Variants in FAM135B observed in about 807,000 individuals in gnomAD.
FAM135B encodes the protein protein FAM135B.
A neutral mutation model predicts 127.7 loss-of-function variants in FAM135B; 43 were observed. The observed-to-expected ratio is 0.34, with a 90% CI of 0.26 to 0.43. FAM135B has a LOEUF of 0.43. Among genes scored for constraint, FAM135B ranks in the 20% least tolerant of loss-of-function variants. The probability of loss-of-function intolerance (pLI) is 1.00; values close to 1 mark genes in which losing one functional copy is unlikely to be tolerated. For missense variants in FAM135B, 1,558 were observed against 1,725.6 expected (o/e 0.90, Z 1.72); for synonymous variants, 670 against 665.1 (o/e 1.01, Z -0.11).
At chr8:138,265,947 G>T in intron 3 of FAM135B, 105 bp from the exon 4 acceptor site, 2 of 1,216,282 alleles carry the variant, frequency 1.6e-6, no homozygotes, top group Non-Finnish European at 2.3e-6. Context: ...GCCCCAAGCT[G>T]CCTTCCAATT....
At chr8:138,379,776 G>A (rs1831725956) in intron 1 of FAM135B, among the ~76,000 whole-genome samples, 1 of 152,178 alleles carries the variant, frequency 6.6e-6, no homozygotes, top group Non-Finnish European at 1.5e-5. Context: ...ATTCATTGAG[G>A]TTGGGGGAGG....
chr8:138,391,653 C>G (rs1341853162), intron 1 of FAM135B, among the ~76,000 whole-genome samples: 1 of 152,186 alleles, frequency 6.6e-6, no homozygotes, highest in African/African-American at 2.4e-5. Context: ...CTAACCTTCC[C>G]TTAGTCATTC....
chr8:138,141,758 A>G lies in FAM135B; in HGVS notation c.3639-409T>C, dbSNP rs941124499. Among the ~76,000 whole-genome samples, 12 of 152,308 alleles carry G rather than the reference A, an allele frequency of 7.9e-5. No homozygotes were observed. The highest frequency in any genetic ancestry group is 2.9e-4 in the African/African-American group (12 of 41,572). ...AGGCCATTCATATACGGATGGCCTC[A>G]CAATGCCATTCATCCTCTCCTTCAC... On this transcript the variant is annotated intron_variant, in intron 16 of 19. Transcript: ENST00000395297. The surrounding 1 kb of genome is among the most constrained non-coding windows in gnomAD (Gnocchi z 4.7).
At chr8:138,423,332 A>T (rs555881293) in intron 1 of FAM135B, among the ~76,000 whole-genome samples, 1 of 152,184 alleles carries the variant, frequency 6.6e-6, no homozygotes, top group Non-Finnish European at 1.5e-5. Flanking sequence ...AAATTCAGCC[A>T]GATATCGGGC....
intron 1 of FAM135B, among the ~76,000 whole-genome samples, chr8:138,373,125 A>T (rs974679395): frequency 3.3e-5 from 5 of 152,146 alleles, no homozygotes; most frequent in Non-Finnish European, 5.9e-5. Flanking sequence ...CTCAGTTCAG[A>T]TTTGATTTCT....
At chr8:138,268,619 T>G (rs1216420575) in intron 3 of FAM135B, among the ~76,000 whole-genome samples, 2 of 152,144 alleles carry the variant, frequency 1.3e-5, no homozygotes, top group Non-Finnish European at 2.9e-5. Flanking sequence ...TTTTCCCTTC[T>G]TCAACAACAA....
At chr8:138,139,315 G>A (rs1293769474) in intron 17 of FAM135B, among the ~76,000 whole-genome samples, 1 of 152,080 alleles carries the variant, frequency 6.6e-6, no homozygotes, top group Non-Finnish European at 1.5e-5. Context: ...ATGATGACAG[G>A]ACAACAGCCT....
intron 7 of FAM135B, among the ~76,000 whole-genome samples, chr8:138,198,285 C>A (rs1468312464): frequency 2.0e-5 from 3 of 152,218 alleles, no homozygotes; most frequent in Non-Finnish European, 2.9e-5. Flanking sequence ...ATTGTGAAGG[C>A]TCCCTAGCCA....
At chr8:138,252,826 C>A (rs1051940629) in intron 5 of FAM135B, among the ~76,000 whole-genome samples, 2 of 152,192 alleles carry the variant, frequency 1.3e-5, no homozygotes, top group Non-Finnish European at 2.9e-5. Context: ...GAGTCTCACT[C>A]TGTCACCCAG....
intron 1 of FAM135B, among the ~76,000 whole-genome samples, chr8:138,413,234 C>T (rs759709056): frequency 6.6e-6 from 1 of 152,050 alleles, no homozygotes; most frequent in African/African-American, 2.4e-5. Flanking sequence ...TAACTCCTTC[C>T]ACCCATTCCC....
rs185441529 is a variant in FAM135B at position 138,192,196 on chromosome 8, C to T, written c.873+3062G>A. Among the ~76,000 whole-genome samples the T allele has an allele frequency of 1.7e-3, 264 of 152,358 alleles. 1 individual carries two copies. The highest frequency in any genetic ancestry group is 5.9e-3 in the African/African-American group (246 of 41,588). On this transcript the variant is annotated intron_variant, in intron 9 of 19. Coordinates refer to ENST00000395297, the MANE Select transcript of FAM135B (RefSeq NM_015912.4). ...CTAAGAGAAAAAGGCATCAATGAAA[C>T]CACCATTGCAAAATTATAACTGAGA...
rs1816919280 is a variant in FAM135B at position 138,139,235 on chromosome 8, T to C, written c.3791-139A>G. ...AGAGAGAAGTAGGCATACTAGCAAA[T>C]AGTTGGGAAGTTAGAGGTAAATTTG... On this transcript the variant is annotated intron_variant, in intron 17 of 19. Coordinates refer to ENST00000395297, the MANE Select transcript of FAM135B (RefSeq NM_015912.4). 5.2e-6 allele frequency: 3 copies of C among 578,612 alleles called. No individual in the cohort carries two copies. The Admixed American group carries it at 8.8e-5, about 17-fold the overall frequency. The allele number at this position is 578,612 out of a possible 1,614,324, so 35.8% of individuals were successfully genotyped here.
At position 138,367,987 on chromosome 8, in the gene FAM135B, C is replaced by T. The variant is rs780935146; in HGVS notation, c.-4G>A. ...CCGTTCCTTGTATTTCAGACATGAT[C>T]TTTTTGGCTCATTACCTGAAAAACA... On this transcript the variant is annotated 5_prime_UTR_variant, in exon 2 of 20. Transcript: ENST00000395297. 1.9e-6 allele frequency: 3 copies of T among 1,613,130 alleles called. No individual in the cohort carries two copies. In the African/African-American group the frequency reaches 4.0e-5, roughly 22 times the overall value.
In FAM135B at chr8:138,178,477, T is replaced by C. The variant is rs1422509789; in HGVS notation, c.1029+58A>G. On this transcript the variant is annotated intron_variant, in intron 10 of 19. Coordinates refer to ENST00000395297, the MANE Select transcript of FAM135B (RefSeq NM_015912.4). The stretch of plus-strand genomic sequence containing the variant: ...ATGCTTGATCTAATTCTCATAAAGG[T>C]TCCTCCAAAGAAATCAAATGCATGT... 8 of 1,590,712 alleles carry C rather than the reference T, an allele frequency of 5.0e-6. No homozygotes were observed. The East Asian group carries it at 1.8e-4, about 36-fold the overall frequency.
At chr8:138,332,484 G>C (rs1226891789) in intron 2 of FAM135B, among the ~76,000 whole-genome samples, 1 of 152,054 alleles carries the variant, frequency 6.6e-6, no homozygotes, top group African/African-American at 2.4e-5. Context: ...TGAAATTCAA[G>C]GTAAAACAAA....
intron 1 of FAM135B, among the ~76,000 whole-genome samples, chr8:138,469,240 G>C (rs1837549889): frequency 6.6e-6 from 1 of 151,948 alleles, no homozygotes; most frequent in Admixed American, 6.6e-5. Context: ...GAGAAAGAAA[G>C]TTACTGGAAA....
In FAM135B at chr8:138,243,041, C is replaced by A. The variant is rs2130386273; in HGVS notation, c.570G>T (p.Trp190Cys). 6.2e-7 allele frequency: 1 copy of A among 1,611,802 alleles called. No homozygotes were observed. Among genetic ancestry groups the A allele is most frequent in the Non-Finnish European group, 8.5e-7 (1 of 1,179,332 alleles). The change falls in exon 7 of 20, where the codon TGG (tryptophan) becomes TGT (cysteine). Residue 190 changes from tryptophan to cysteine, a missense_variant. Trp to Cys is a radical substitution (Grantham distance 215). Transcript: ENST00000395297. The surrounding 1 kb of genome is among the most constrained non-coding windows in gnomAD (Gnocchi z 7.5). ...ISFTRPGRGS[W>C]LGKGGPDTGQ... Reference sequence around the variant, plus strand: ...CGGTGTCTGGGCCACCTTTACCAAGCCAGGAGCCTCTTCCTGGACGAGTAA... The same window carrying A: ...CGGTGTCTGGGCCACCTTTACCAAGACAGGAGCCTCTTCCTGGACGAGTAA...
At chr8:138,326,062 A>G (rs1022535951) in intron 2 of FAM135B, among the ~76,000 whole-genome samples, 1 of 151,752 alleles carries the variant, frequency 6.6e-6, no homozygotes, top group African/African-American at 2.4e-5. Context: ...GACTGTATAT[A>G]AAAAAAATAT....
chr8:138,200,041 C>A (rs1294516489), intron 7 of FAM135B, among the ~76,000 whole-genome samples: 1 of 152,294 alleles, frequency 6.6e-6, no homozygotes, highest in Non-Finnish European at 1.5e-5. Context: ...CACCAACATT[C>A]CCAGTAGTGT....
Sources: allele counts gnomAD v4.1 joint callset (sites outside exome capture counted in the v4.1 genomes callset), GRCh38; gene constraint gnomAD v4.1.1; non-coding constraint Gnocchi (gnomAD v3.1); transcripts MANE v1.5; gene names NCBI Gene and HGNC (gene_info 2026-07-23, HGNC 2026-07-21).